PCNX3: variants seen among roughly 807,000 people sequenced by gnomAD.
PCNX3 encodes the protein pecanex-like protein 3.
PCNX3 carries 58 observed loss-of-function variants against 207.2 expected under a neutral mutation model. The ratio of observed to expected loss-of-function variants is 0.28; its 90% confidence interval spans 0.23 to 0.35. PCNX3 has a LOEUF of 0.35. Among genes scored for constraint, PCNX3 ranks in the 10% least tolerant of loss-of-function variants. The pLI, the probability that PCNX3 is intolerant of heterozygous loss-of-function variation, is 1.00. For synonymous variants in PCNX3, 1,337 were observed against 1,183.5 expected (o/e 1.13, Z -2.66); for missense variants, 2,410 against 2,774.4 (o/e 0.87, Z 2.95).
At position 65,625,147 on chromosome 11, in the gene PCNX3, G is replaced by C; in HGVS notation, c.2920-24G>C. The C allele has an allele frequency of 6.3e-7, 1 of 1,585,228 alleles. No individual in the cohort carries two copies. The highest frequency in any genetic ancestry group is 8.6e-7 in the Non-Finnish European group (1 of 1,161,870). ...GCCCCATGCTTACCTCACCTCCCCT[G>C]ACCAGCATGGATTCTCTCCGCAGAC... On this transcript the variant is annotated intron_variant, in intron 16 of 34. Coordinates refer to ENST00000355703, the MANE Select transcript of PCNX3 (RefSeq NM_032223.4). The surrounding 1 kb of genome is among the most constrained non-coding windows in gnomAD (Gnocchi z 5.6).
chr11:65,619,438 T>C, intron 6 of PCNX3, 99 bp from the exon 7 acceptor site: 1 of 1,517,046 alleles, frequency 6.6e-7, no homozygotes. Flanking sequence ...GTGGTTGTAC[T>C]AGGCCTTTAG....
chr11:65,629,305 A>C, intron 24 of PCNX3, 52 bp from the exon 25 acceptor site: 1 of 1,551,748 alleles, frequency 6.4e-7, no homozygotes, highest in Non-Finnish European at 8.8e-7. Context: ...AGCAGGGTGC[A>C]CCCTCTCTTC....
intron 25 of PCNX3, 51 bp from the exon 26 acceptor site, chr11:65,629,469 G>A: frequency 6.2e-7 from 1 of 1,610,832 alleles, no homozygotes; most frequent in African/African-American, 1.3e-5. Flanking sequence ...TGGGGAGGGA[G>A]CCTCGCTAAC....
rs568824923 is a variant in PCNX3, at chr11:65,625,346, C to T, written c.3030-59C>T. On this transcript the variant is annotated intron_variant, in intron 17 of 34. Coordinates refer to ENST00000355703, the MANE Select transcript of PCNX3 (RefSeq NM_032223.4). The surrounding 1 kb of genome is among the most constrained non-coding windows in gnomAD (Gnocchi z 5.6). Reference sequence around the variant, plus strand: ...GGGGTTTGTGGTCTGTGCATGTGCCCGTGACTGGGGCCGGGGGGAAGGAGG... The same window carrying T: ...GGGGTTTGTGGTCTGTGCATGTGCCTGTGACTGGGGCCGGGGGGAAGGAGG... 54 of 1,592,828 alleles carry T rather than the reference C, an allele frequency of 3.4e-5. No individual in the cohort carries two copies. In the Middle Eastern group the frequency reaches 6.6e-4, roughly 19 times the overall value.
intron 2 of PCNX3, 35 bp downstream of exon 2, chr11:65,617,046 G>T (rs762019858): frequency 1.3e-6 from 2 of 1,561,786 alleles, no homozygotes; most frequent in East Asian, 4.7e-5. Context: ...GGGATTGAGG[G>T]TTTTTGGTGC....
intron 12 of PCNX3, 83 bp from the exon 13 acceptor site, chr11:65,623,846 G>A (rs12801636): frequency 0.24 from 385,418 of 1,591,746 alleles, 49,883 homozygotes; most frequent in East Asian, 0.47. Context: ...TAACTGCCTA[G>A]TGGTGGAGCT....
chr11:65,619,752 A>G lies in PCNX3; in HGVS notation c.1830-2A>G, dbSNP rs1854980665. 1.9e-6 allele frequency: 3 copies of G among 1,565,296 alleles called. No homozygotes were observed. Among genetic ancestry groups the G allele is most frequent in the Non-Finnish European group, 2.6e-6 (3 of 1,162,480 alleles). On this transcript the variant is annotated splice_acceptor_variant, in intron 7 of 34. Transcript: ENST00000355703. LOFTEE classifies it high-confidence loss of function. ...CGCTGACCTGGGGCTGACCCTCTCC[A>G]GCAGCCTGCAGGAAGCTCAGCGGGG...
At position 65,625,356 on chromosome 11, in the gene PCNX3, G is replaced by T; in HGVS notation, c.3030-49G>T. 6.3e-7 allele frequency: 1 copy of T among 1,594,468 alleles called. No individual in the cohort carries two copies. The highest frequency in any genetic ancestry group is 8.5e-7 in the Non-Finnish European group (1 of 1,172,136). ...GTCTGTGCATGTGCCCGTGACTGGG[G>T]CCGGGGGGAAGGAGGGGCGGCCTCC... On this transcript the variant is annotated intron_variant, in intron 17 of 34. Transcript: ENST00000355703. This position sits in a 1 kb window ranked among gnomAD's most constrained non-coding sequence, Gnocchi z 5.6.
In PCNX3 at chr11:65,636,556, G is replaced by A. The variant is rs376689715; in HGVS notation, c.5759G>A (p.Arg1920Gln). 39 of 1,592,716 alleles carry A rather than the reference G, an allele frequency of 2.4e-5. No homozygotes were observed. The Middle Eastern group carries it at 1.5e-3, about 61-fold the overall frequency. ...PIPTEGPRTS[R>Q]PPGPGLLSSE... ...CCCACAGAGGGTCCCCGGACCTCAC[G>A]GCCCCCTGGCCCGGGTCTCCTCAGT... The change falls in exon 34 of 35, where the codon CGG becomes CAG. Residue 1920 changes from arginine to glutamine, a missense_variant. Transcript: ENST00000355703.
intron 33 of PCNX3, 41 bp downstream of exon 33, chr11:65,636,348 G>A: frequency 6.2e-7 from 1 of 1,603,196 alleles, no homozygotes; most frequent in Non-Finnish European, 8.5e-7. Flanking sequence ...GGTGAGGAGT[G>A]CAGCCCAGCT....
intron 9 of PCNX3, 95 bp from the exon 10 acceptor site, chr11:65,620,732 CACAG>C: frequency 6.7e-7 from 1 of 1,492,442 alleles, no homozygotes; most frequent in Non-Finnish European, 9.1e-7. Context: ...TTGGTCTCGG[CACAG>C]ACAGCCCTAC....
chr11:65,625,153 C>A lies in PCNX3; in HGVS notation c.2920-18C>A. 1 of 1,589,748 alleles carries A rather than the reference C, an allele frequency of 6.3e-7. No individual in the cohort carries two copies. The highest frequency in any genetic ancestry group is 1.1e-5 in the South Asian group (1 of 90,138). ...TGCTTACCTCACCTCCCCTGACCAG[C>A]ATGGATTCTCTCCGCAGACTCCGTG... On this transcript the variant is annotated intron_variant, in intron 16 of 34. Coordinates refer to ENST00000355703, the MANE Select transcript of PCNX3 (RefSeq NM_032223.4). This position sits in a 1 kb window ranked among gnomAD's most constrained non-coding sequence, Gnocchi z 5.6.
rs767660217 is a variant in PCNX3, at chr11:65,618,724, C to T, written c.1362C>T (p.Ser454=). ...GCTCCTCTTCTACTTCCTGCTACTC[C>T]CCTGAGAGCTCCCGGGGTGCAGCAG... is the stretch of plus-strand genomic sequence containing the variant. ...TDSSSSTSCY[S]PESSRGAAGG... is the part of the protein sequence containing the mutation. Residue 454 remains serine (S), a synonymous_variant, in exon 6 of 35, where the codon TCC becomes TCT. Transcript: ENST00000355703. 23 of 1,612,626 alleles carry T rather than the reference C, an allele frequency of 1.4e-5. No individual in the cohort carries two copies. The South Asian group carries it at 2.1e-4, about 15-fold the overall frequency.
intron 9 of PCNX3, 51 bp from the exon 10 acceptor site, chr11:65,620,780 C>T: frequency 6.4e-7 from 1 of 1,571,958 alleles, no homozygotes; most frequent in East Asian, 2.4e-5. Context: ...CGACCCCACC[C>T]AGCCCCAGGG....
chr11:65,626,829 C>G (rs778808843), intron 20 of PCNX3, 75 bp from the exon 21 acceptor site: 2 of 1,545,960 alleles, frequency 1.3e-6, no homozygotes, highest in Non-Finnish European at 1.7e-6. Context: ...CACAGCCTGC[C>G]CTCCTAGGGA....
intron 13 of PCNX3, 43 bp downstream of exon 13, chr11:65,624,004 G>A: frequency 6.2e-7 from 1 of 1,607,010 alleles, no homozygotes. Context: ...GAGGCCCCGG[G>A]AGGGGCTGAG....
chr11:65,633,274 C>T (rs982268138), intron 27 of PCNX3, among the ~76,000 whole-genome samples: 1 of 152,244 alleles, frequency 6.6e-6, no homozygotes, highest in Non-Finnish European at 1.5e-5. Context: ...TCCAAAGCTC[C>T]TGTACTTTTG....
At position 65,627,063 on chromosome 11, in the gene PCNX3, AC is replaced by A; in HGVS notation, c.3524+18del. 1 of 1,470,232 alleles carries A rather than the reference AC, an allele frequency of 6.8e-7. No individual in the cohort carries two copies. Among genetic ancestry groups the A allele is most frequent in the Non-Finnish European group, 9.0e-7 (1 of 1,108,086 alleles). 91.1% of individuals were successfully genotyped at this position (1,470,232 alleles called of 1,614,324 possible). A position where few individuals can be genotyped will look rare whatever the true frequency, so the allele number is the denominator to read the frequency against. ...TACTGCTTCTAGTGAGGACCACCCCACCCTCAACGATCCCATCATCCGCTTT... is the reference window on the plus strand; with the variant it reads ...TACTGCTTCTAGTGAGGACCACCCCACCTCAACGATCCCATCATCCGCTTT... On this transcript the variant is annotated intron_variant, in intron 21 of 34. Coordinates refer to ENST00000355703, the MANE Select transcript of PCNX3 (RefSeq NM_032223.4).
rs369951355 is a variant in PCNX3 at position 65,618,672 on chromosome 11, G to C, written c.1310G>C (p.Arg437Pro). 9 of 1,613,296 alleles carry C rather than the reference G, an allele frequency of 5.6e-6. No homozygotes were observed. The highest frequency in any genetic ancestry group is 7.6e-6 in the Non-Finnish European group (9 of 1,179,820). ...GSELSPASSL[R>P]SQRRYSTDSS... ...GAACTGAGCCCGGCCTCCAGTCTCCGATCGCAGCGCCGCTACAGTACTGAC... is the reference window on the plus strand; with the variant it reads ...GAACTGAGCCCGGCCTCCAGTCTCCCATCGCAGCGCCGCTACAGTACTGAC... The change falls in exon 6 of 35, where the codon CGA becomes CCA. Residue 437 changes from arginine (R) to proline (P), a missense_variant. This residue lies in a region of PCNX3 where 1,104 missense variants were observed against 970.3 expected (regional missense o/e 1.14). Transcript: ENST00000355703.
Sources: allele counts gnomAD v4.1 joint callset (sites outside exome capture counted in the v4.1 genomes callset), GRCh38; gene constraint gnomAD v4.1.1; regional missense constraint gnomAD v4.1.1; non-coding constraint Gnocchi (gnomAD v3.1); transcripts MANE v1.5; gene names NCBI Gene and HGNC (gene_info 2026-07-23, HGNC 2026-07-21).